Variants in MAP9 observed in about 807,000 individuals in gnomAD.
MAP9 encodes microtubule associated protein 9.
A neutral mutation model predicts 75.2 loss-of-function variants in MAP9; 80 were observed. The observed-to-expected ratio is 1.06, with a 90% CI of 0.89 to 1.28. The LOEUF is 1.28. Among genes scored for constraint, MAP9 ranks in the 50% most tolerant of loss-of-function variants. The pLI is 0.00. For synonymous variants in MAP9, 235 were observed against 237.3 expected (o/e 0.99, Z 0.09); for missense variants, 753 against 719.9 (o/e 1.05, Z -0.53).
At chr4:155,354,151 T>C (rs1731653487) in intron 10 of MAP9, 2 of 152,234 alleles carry the variant, frequency 1.3e-5, no homozygotes, top group African/African-American at 2.4e-5. Flanking sequence ...CCTTCACTAC[T>C]GACGCATTAT....
At chr4:155,369,884 C>G (rs747385899) in intron 4 of MAP9, among the ~76,000 whole-genome samples, 5 of 152,154 alleles carry the variant, frequency 3.3e-5, no homozygotes, top group African/African-American at 7.2e-5. Flanking sequence ...GGAAGACTTT[C>G]CATGTATATA....
At position 155,368,610 on chromosome 4, in the gene MAP9, T is replaced by C. The variant is rs1208197783; in HGVS notation, c.684A>G (p.Ala228=). 6 of 1,614,028 alleles carry C rather than the reference T, an allele frequency of 3.7e-6. No individual in the cohort carries two copies. Among genetic ancestry groups the C allele is most frequent in the Non-Finnish European group, 4.2e-6 (5 of 1,179,994 alleles). ...NGIQLEAEKK[A]FSENLDPEDS... is the part of the protein sequence containing the mutation. ...CCTCAGGATCAAGGTTTTCAGAGAATGCTTTTTTCTCAGCTTCTAATTGTA... is the reference window on the plus strand; with the variant it reads ...CCTCAGGATCAAGGTTTTCAGAGAACGCTTTTTTCTCAGCTTCTAATTGTA... Residue 228 remains alanine (A), a synonymous_variant, in exon 5 of 14, where the codon GCA becomes GCG. Transcript: ENST00000311277.
chr4:155,368,880 G>C (rs3733392), intron 4 of MAP9, 68 bp from the exon 5 acceptor site: 270,536 of 1,295,338 alleles, frequency 0.21, 31,128 homozygotes, highest in African/African-American at 0.45. Context: ...CTCTCTGGGT[G>C]CTACCATACT....
In MAP9 at chr4:155,352,905, G is replaced by A; in HGVS notation, c.1688+7C>T. ...AATATATCAAAATATTTATGATTTTGGATTACCATTTCTCAACAGCAGTTA... is the reference window on the plus strand; with the variant it reads ...AATATATCAAAATATTTATGATTTTAGATTACCATTTCTCAACAGCAGTTA... On this transcript the variant is annotated splice_region_variant and intron_variant, in intron 12 of 13. Coordinates refer to ENST00000311277, the MANE Select transcript of MAP9 (RefSeq NM_001039580.2). 1 of 1,499,294 alleles carries A rather than the reference G, an allele frequency of 6.7e-7. No homozygotes were observed. The allele number at this position is 1,499,294 out of a possible 1,614,324, so 92.9% of individuals were successfully genotyped here.
chr4:155,373,483 T>C (rs760877970), intron 3 of MAP9, 27 bp from the exon 4 acceptor site: 18 of 1,400,834 alleles, frequency 1.3e-5, no homozygotes, highest in Non-Finnish European at 1.7e-5. Flanking sequence ...AAAAATGTTT[T>C]CAACAGTATT....
At position 155,347,711 on chromosome 4, in the gene MAP9, T is replaced by C. The variant is rs939176437; in HGVS notation, c.*72A>G. On this transcript the variant is annotated 3_prime_UTR_variant, in exon 14 of 14. Coordinates refer to ENST00000311277, the MANE Select transcript of MAP9 (RefSeq NM_001039580.2). ...AATATATTCCTCTAACTATAAATAATTGAATGGTTTTAAATCTATGGCTAA... is the reference window on the plus strand; with the variant it reads ...AATATATTCCTCTAACTATAAATAACTGAATGGTTTTAAATCTATGGCTAA... 5 of 1,355,890 alleles carry C rather than the reference T, an allele frequency of 3.7e-6. No homozygotes were observed. The highest frequency in any genetic ancestry group is 2.5e-5 in the East Asian group (1 of 40,528). The allele number at this position is 1,355,890 out of a possible 1,614,324, so 84.0% of individuals were successfully genotyped here.
chr4:155,368,276 C>T (rs1242851378), intron 5 of MAP9: 5 of 501,900 alleles, frequency 1.0e-5, no homozygotes, highest in Middle Eastern at 5.1e-4. Context: ...AGAAAAGCAA[C>T]ACTTTTTGAC....
chr4:155,374,157 G>A (rs542793683), intron 3 of MAP9, among the ~76,000 whole-genome samples: 2 of 152,176 alleles, frequency 1.3e-5, no homozygotes, highest in African/African-American at 4.8e-5. Context: ...TGGCCGATGT[G>A]GTGAAACCCC....
At chr4:155,356,816 A>G (rs1364308699) in intron 8 of MAP9, among the ~76,000 whole-genome samples, 1 of 152,184 alleles carries the variant, frequency 6.6e-6, no homozygotes, top group Non-Finnish European at 1.5e-5. Context: ...TTTACAGAAA[A>G]AGCTTGCTAG....
rs138050518 is a variant in MAP9 at position 155,364,417 on chromosome 4, T to C, written c.709-2276A>G. On this transcript the variant is annotated intron_variant, in intron 5 of 13. Transcript: ENST00000311277. ...AATGAAGATCCCTAGAAATTGTATA[T>C]GTATTTATAGATATGTAATATCTAT... 1.2e-3 allele frequency among the ~76,000 whole-genome samples: 176 copies of C among 149,732 alleles called. 3 individuals carry two copies. In the East Asian group the frequency reaches 0.024, roughly 21 times the overall value.
At chr4:155,369,647 A>C (rs980590393) in intron 4 of MAP9, among the ~76,000 whole-genome samples, 2 of 152,150 alleles carry the variant, frequency 1.3e-5, no homozygotes, top group Admixed American at 6.5e-5. Flanking sequence ...CAAAATTACA[A>C]GACTAGATTA....
intron 5 of MAP9, among the ~76,000 whole-genome samples, chr4:155,364,451 T>C (rs927477131): frequency 4.0e-5 from 6 of 148,516 alleles, no homozygotes; most frequent in Non-Finnish European, 8.9e-5. Flanking sequence ...ATAAATAGAT[T>C]ATATAGATGT....
Position 155,347,883 on chromosome 4 carries a change from C to G in MAP9, c.1844G>C (p.Arg615Thr), listed in dbSNP as rs1731339665. 1 of 1,555,368 alleles carries G rather than the reference C, an allele frequency of 6.4e-7. No individual in the cohort carries two copies. Among genetic ancestry groups the G allele is most frequent in the East Asian group, 2.3e-5 (1 of 43,038 alleles). Residue 615 changes from arginine to threonine, a missense_variant, in exon 14 of 14, where the codon AGA (arginine) becomes ACA (threonine). Arg to Thr is a moderately conservative substitution (Grantham distance 71). Transcript: ENST00000311277. The part of the protein sequence containing the change: ...KWLENKEKQE[R>T]IERKQKKRHS... ...ACGTTTCTTCTGTTTTCGTTCAATT[C>G]TTTCTTGTTTTTCCTTATTTTCCTA...
rs1200780929 is a variant in MAP9 at position 155,347,936 on chromosome 4, T to C, written c.1822-31A>G. 17 of 1,264,820 alleles carry C rather than the reference T, an allele frequency of 1.3e-5. No homozygotes were observed. In the East Asian group the frequency reaches 4.1e-4, roughly 30 times the overall value. 78.3% of individuals were successfully genotyped at this position (1,264,820 alleles called of 1,614,324 possible). On this transcript the variant is annotated intron_variant, in intron 13 of 13. Coordinates refer to ENST00000311277, the MANE Select transcript of MAP9 (RefSeq NM_001039580.2). ...GAGAAAATAGAACACTATAAATTTA[T>C]GTACATATATGATTATTATTTTCAA...
At chr4:155,376,526 A>G (rs1732854189) in intron 1 of MAP9, 1 of 152,340 alleles carries the variant, frequency 6.6e-6, no homozygotes. Context: ...AGGGCCGCCC[A>G]TAGCGTTGTG....
chr4:155,352,762 A>G (rs1731575934), intron 12 of MAP9, 34 bp from the exon 13 acceptor site: 1 of 1,515,634 alleles, frequency 6.6e-7, no homozygotes, highest in African/African-American at 1.4e-5. Context: ...TGGAGAGTTA[A>G]AGGAAAATAC....
At chr4:155,358,439 T>C (rs550821013) in intron 7 of MAP9, among the ~76,000 whole-genome samples, 32 of 152,286 alleles carry the variant, frequency 2.1e-4, no homozygotes, top group Middle Eastern at 3.4e-3. Context: ...ACCTCCTTCA[T>C]CAATTTTAAG....
intron 8 of MAP9, 128 bp from the exon 9 acceptor site, chr4:155,356,012 G>T (rs1731767331): frequency 1.2e-6 from 1 of 855,638 alleles, no homozygotes; most frequent in Non-Finnish European, 1.7e-6. Flanking sequence ...TGTAATCCCA[G>T]CACTTTGGAA....
In MAP9 at chr4:155,368,664, T is replaced by C. The variant is rs1451815622; in HGVS notation, c.630A>G (p.Ala210=). Residue 210 remains alanine, a synonymous_variant, in exon 5 of 14, where the codon GCA becomes GCG. Coordinates refer to ENST00000311277, the MANE Select transcript of MAP9 (RefSeq NM_001039580.2). ...CATTCGGCGTTGGAAGGGAAGAAGG[T>C]GCAGAATGTAACTCCAATTCTTCAC... The part of the protein sequence containing the change: ...ALSEELELHS[A]PSSLPTPNGI... The C allele has an allele frequency of 6.2e-7, 1 of 1,614,206 alleles. No homozygotes were observed. The highest frequency in any genetic ancestry group is 2.2e-5 in the East Asian group (1 of 44,886).
Sources: gnomAD v4.1 joint callset for allele counts (sites outside exome capture counted in the v4.1 genomes callset) on GRCh38, gnomAD v4.1.1 for gene constraint, MANE v1.5 for transcripts, NCBI Gene and HGNC (gene_info 2026-07-23, HGNC 2026-07-21) for gene names.